Variants in MARCHF1 observed in about 807,000 individuals in gnomAD.
MARCHF1 encodes the protein E3 ubiquitin-protein ligase MARCHF1.
Under a neutral mutation model 54.2 loss-of-function variants are expected in MARCHF1, and 40 were observed. The ratio of observed to expected loss-of-function variants is 0.74; its 90% confidence interval spans 0.57 to 0.96. The LOEUF is 0.96. Among genes scored for constraint, MARCHF1 ranks in the 40% least tolerant of loss-of-function variants. The pLI, the probability that MARCHF1 is intolerant of heterozygous loss-of-function variation, is 0.00. For synonymous variants in MARCHF1, 236 were observed against 236.3 expected (o/e 1.00, Z 0.01); for missense variants, 586 against 656.5 (o/e 0.89, Z 1.17).
At chr4:164,378,135 A>C (rs1413445647) in intron 1 of MARCHF1, among the ~76,000 whole-genome samples, 3 of 152,234 alleles carry the variant, frequency 2.0e-5, no homozygotes, top group African/African-American at 7.2e-5. Flanking sequence ...CAAGGAGGTA[A>C]TGTGACTTTT....
chr4:164,217,360 A>G (rs1344300424), intron 1 of MARCHF1, among the ~76,000 whole-genome samples: 2 of 152,216 alleles, frequency 1.3e-5, no homozygotes, highest in Non-Finnish European at 2.9e-5. Context: ...ATTAAAGGTA[A>G]AAGTTTTGAG....
At chr4:163,589,266 T>G (rs565485770) in intron 7 of MARCHF1, among the ~76,000 whole-genome samples, 1 of 152,132 alleles carries the variant, frequency 6.6e-6, no homozygotes, top group Non-Finnish European at 1.5e-5. Context: ...CCTGACCAGT[T>G]TACTATCGTC....
chr4:164,167,731 G>A (rs973799086), intron 1 of MARCHF1, among the ~76,000 whole-genome samples: 12 of 151,672 alleles, frequency 7.9e-5, no homozygotes, highest in Non-Finnish European at 1.3e-4. Flanking sequence ...ACCTGCAAAA[G>A]AATAAAATAG....
intron 5 of MARCHF1, among the ~76,000 whole-genome samples, chr4:163,680,370 T>C (rs1216164031): frequency 6.6e-6 from 1 of 152,284 alleles, no homozygotes; most frequent in Non-Finnish European, 1.5e-5. Flanking sequence ...TTTGTGACAC[T>C]ATAATATCTT....
intron 1 of MARCHF1, among the ~76,000 whole-genome samples, chr4:164,220,491 T>C (rs946971121): frequency 5.5e-5 from 8 of 146,008 alleles, no homozygotes; most frequent in African/African-American, 1.7e-4. Context: ...TGGGAGCATA[T>C]ACACATATGG....
At chr4:164,340,405 T>TTATATACATACATACATATATATATA (rs58808830) in intron 1 of MARCHF1, among the ~76,000 whole-genome samples, 4 of 95,650 alleles carry the variant, frequency 4.2e-5, no homozygotes, top group Admixed American at 2.5e-4. Flanking sequence ...AGGCCTTGAT[T>TTATATACATACATACATATATATATA]TATATATAGA....
chr4:164,169,450 T>C (rs1423373557), intron 1 of MARCHF1, among the ~76,000 whole-genome samples: 2 of 152,020 alleles, frequency 1.3e-5, no homozygotes, highest in Non-Finnish European at 2.9e-5. Flanking sequence ...TTTCATCATT[T>C]CCTCACTTAT....
At chr4:163,882,340 T>C (rs192733989) in intron 3 of MARCHF1, among the ~76,000 whole-genome samples, 1 of 152,300 alleles carries the variant, frequency 6.6e-6, no homozygotes, top group African/African-American at 2.4e-5. Flanking sequence ...AAAGCTATCA[T>C]AAAGTCTTTA....
At chr4:163,882,098 C>G (rs547246546) in intron 3 of MARCHF1, among the ~76,000 whole-genome samples, 23 of 152,306 alleles carry the variant, frequency 1.5e-4, no homozygotes, top group South Asian at 1.0e-3. Flanking sequence ...ACTCACTTCT[C>G]ATTTTAATTT....
chr4:163,532,125 C>T (rs1738373909), intron 9 of MARCHF1, among the ~76,000 whole-genome samples: 1 of 151,696 alleles, frequency 6.6e-6, no homozygotes, highest in Non-Finnish European at 1.5e-5. Context: ...GAGCAAAAGA[C>T]CAGAATAGCC....
At chr4:163,846,013 C>T (rs545430990) in intron 4 of MARCHF1, among the ~76,000 whole-genome samples, 6 of 152,240 alleles carry the variant, frequency 3.9e-5, no homozygotes, top group South Asian at 2.1e-4. Flanking sequence ...AAAAGCATCA[C>T]GTCTTTTGCT....
At chr4:163,664,167 G>A (rs1743447191) in intron 5 of MARCHF1, among the ~76,000 whole-genome samples, 1 of 152,110 alleles carries the variant, frequency 6.6e-6, no homozygotes, top group Admixed American at 6.6e-5. Context: ...CAAAGAACAT[G>A]TGTAAGACCA....
chr4:163,616,581 A>G (rs1427192475), intron 5 of MARCHF1, among the ~76,000 whole-genome samples: 1 of 152,110 alleles, frequency 6.6e-6, no homozygotes, highest in East Asian at 1.9e-4. Context: ...TAGGATGTCT[A>G]TTATCAAAAA....
At chr4:164,343,150 T>C (rs1275195345) in intron 1 of MARCHF1, among the ~76,000 whole-genome samples, 2 of 152,158 alleles carry the variant, frequency 1.3e-5, no homozygotes, top group African/African-American at 4.8e-5. Context: ...GTACACACAT[T>C]GAAAAAAGTG....
intron 1 of MARCHF1, among the ~76,000 whole-genome samples, chr4:164,167,047 T>C (rs1345568398): frequency 2.0e-5 from 3 of 151,810 alleles, no homozygotes; most frequent in East Asian, 1.9e-4. Flanking sequence ...ATCAATATTA[T>C]CAATAAGTGT....
At chr4:164,343,149 T>G (rs140171785) in intron 1 of MARCHF1, among the ~76,000 whole-genome samples, 3 of 152,166 alleles carry the variant, frequency 2.0e-5, no homozygotes, top group Non-Finnish European at 4.4e-5. Context: ...AGTACACACA[T>G]TGAAAAAAGT....
At chr4:164,129,282 A>G (rs1249442968) in intron 1 of MARCHF1, among the ~76,000 whole-genome samples, 2 of 152,108 alleles carry the variant, frequency 1.3e-5, no homozygotes, top group Non-Finnish European at 2.9e-5. Context: ...ATATGATCTC[A>G]TAATTATAAC....
In MARCHF1 at chr4:163,894,914, T is replaced by TACATGCATGTGATGC. The variant is rs1579373705; in HGVS notation, c.-38-40746_-38-40745insGCATCACATGCATGT. Among the ~76,000 whole-genome samples, 12 of 53,458 alleles carry TACATGCATGTGATGC rather than the reference T, an allele frequency of 2.2e-4. 3 individuals carry two copies. Among genetic ancestry groups the TACATGCATGTGATGC allele is most frequent in the East Asian group, 2.0e-3 (2 of 1,020 alleles). 35.1% of individuals were successfully genotyped at this position (53,458 alleles called of 152,430 possible). ...TATATATGCATGTGATGCATATATATATATATGCATGTGATGCATATATAT... is the reference window on the plus strand; with the variant it reads ...TATATATGCATGTGATGCATATATATACATGCATGTGATGCATATATGCATGTGATGCATATATAT... On this transcript the variant is annotated intron_variant, in intron 3 of 9. Transcript: ENST00000514618.
chr4:164,135,419 C>G (rs1189379414), intron 1 of MARCHF1: 1 of 152,218 alleles, frequency 6.6e-6, no homozygotes, highest in Non-Finnish European at 1.5e-5. Flanking sequence ...AATTAACTCA[C>G]AGTTCCACAG....
Sources: allele counts gnomAD v4.1 joint callset (sites outside exome capture counted in the v4.1 genomes callset), GRCh38; gene constraint gnomAD v4.1.1; transcripts MANE v1.5; gene names NCBI Gene and HGNC (gene_info 2026-07-23, HGNC 2026-07-21).